SGCZ: variants seen among roughly 807,000 people sequenced by gnomAD.
SGCZ encodes the protein sarcoglycan zeta.
In SGCZ, 40 loss-of-function variants were observed where a neutral mutation model predicts 41.3. The ratio of observed to expected loss-of-function variants is 0.97; its 90% confidence interval spans 0.75 to 1.26. The LOEUF (loss-of-function observed/expected upper bound fraction) is 1.26. SGCZ is among the 50% of genes most tolerant of loss of function. The pLI is 0.00. For missense variants in SGCZ, 552 were observed against 369.8 expected (o/e 1.49, Z -4.04); for synonymous variants, 206 against 137.5 (o/e 1.50, Z -3.49).
chr8:14,826,693 A>C lies in SGCZ; in HGVS notation c.40-271767T>G, dbSNP rs547475682. ...ATTTCTCTGATAGCCAGTGATGATGAGCATTTTTTCATGTGTCTTTTGGCT... is the reference window on the plus strand; with the variant it reads ...ATTTCTCTGATAGCCAGTGATGATGCGCATTTTTTCATGTGTCTTTTGGCT... On this transcript the variant is annotated intron_variant, in intron 1 of 7. Coordinates refer to ENST00000382080, the MANE Select transcript of SGCZ (RefSeq NM_139167.4). Among the ~76,000 whole-genome samples the C allele has an allele frequency of 2.0e-5, 3 of 152,202 alleles. No individual in the cohort carries two copies. In the East Asian group the frequency reaches 5.8e-4, roughly 29 times the overall value.
chr8:14,739,786 A>T (rs1799146346), intron 1 of SGCZ, among the ~76,000 whole-genome samples: 1 of 152,062 alleles, frequency 6.6e-6, no homozygotes, highest in East Asian at 1.9e-4. Context: ...TCTAATGTGA[A>T]CACTATGCAT....
At chr8:14,908,705 G>C (rs1382340310) in intron 1 of SGCZ, among the ~76,000 whole-genome samples, 1 of 146,356 alleles carries the variant, frequency 6.8e-6, no homozygotes, top group Non-Finnish European at 1.5e-5. Context: ...AGCCGAGATC[G>C]GGCCACTGTA....
chr8:14,999,337 G>C (rs988662481), intron 1 of SGCZ, among the ~76,000 whole-genome samples: 1 of 152,120 alleles, frequency 6.6e-6, no homozygotes, highest in Non-Finnish European at 1.5e-5. Context: ...CTAGCCCATA[G>C]GATTATAGTC....
chr8:15,213,113 T>C (rs761392704), intron 1 of SGCZ, among the ~76,000 whole-genome samples: 111 of 152,036 alleles, frequency 7.3e-4, no homozygotes, highest in Non-Finnish European at 1.3e-3. Context: ...ACAGATTCTG[T>C]CAGACAAGCA....
At chr8:15,140,956 A>G (rs1808298829) in intron 1 of SGCZ, among the ~76,000 whole-genome samples, 1 of 152,256 alleles carries the variant, frequency 6.6e-6, no homozygotes. Flanking sequence ...AGGAACTATT[A>G]TATGTCAAGG....
At chr8:14,421,111 A>C (rs778461531) in intron 2 of SGCZ, among the ~76,000 whole-genome samples, 2 of 152,282 alleles carry the variant, frequency 1.3e-5, no homozygotes, top group Middle Eastern at 3.4e-3. Context: ...GAAAATCAAA[A>C]TATGTCTTAA....
chr8:14,195,519 T>C (rs1805240108), intron 4 of SGCZ, among the ~76,000 whole-genome samples: 1 of 152,136 alleles, frequency 6.6e-6, no homozygotes, highest in African/African-American at 2.4e-5. Flanking sequence ...GATAAAGTTT[T>C]CTAAGTTTGA....
intron 1 of SGCZ, among the ~76,000 whole-genome samples, chr8:15,172,434 A>G (rs576588256): frequency 5.3e-4 from 81 of 152,126 alleles, no homozygotes; most frequent in African/African-American, 1.9e-3. Context: ...TGCTGGGTCT[A>G]TTTTTTATAA....
intron 1 of SGCZ, among the ~76,000 whole-genome samples, chr8:14,696,642 T>C (rs184217178): frequency 6.6e-6 from 1 of 152,120 alleles, no homozygotes; most frequent in Non-Finnish European, 1.5e-5. Flanking sequence ...ATTCAGCCTC[T>C]CTTCTGCTTA....
At chr8:14,752,306 TTTA>T (rs1339377739) in intron 1 of SGCZ, among the ~76,000 whole-genome samples, 1 of 152,190 alleles carries the variant, frequency 6.6e-6, no homozygotes, top group East Asian at 1.9e-4. Context: ...CCACTAGCTA[TTTA>T]TTATGTTTAT....
At chr8:15,056,645 T>C (rs1047715885) in intron 1 of SGCZ, among the ~76,000 whole-genome samples, 1 of 152,106 alleles carries the variant, frequency 6.6e-6, no homozygotes, top group South Asian at 2.1e-4. Context: ...TTTTTTCCAC[T>C]CCTAAATAAA....
intron 1 of SGCZ, among the ~76,000 whole-genome samples, chr8:14,723,457 G>T (rs1225706460): frequency 1.3e-5 from 2 of 152,096 alleles, no homozygotes; most frequent in East Asian, 3.9e-4. Flanking sequence ...TACCTTTCTG[G>T]AGAACAGAGG....
At chr8:14,948,262 A>G in intron 1 of SGCZ, among the ~76,000 whole-genome samples, 1 of 152,172 alleles carries the variant, frequency 6.6e-6, no homozygotes, top group East Asian at 1.9e-4. Context: ...CTGTCAAAGG[A>G]CTTTGAATTA....
chr8:14,371,381 A>G (rs886882702), intron 2 of SGCZ, among the ~76,000 whole-genome samples: 3 of 152,112 alleles, frequency 2.0e-5, no homozygotes, highest in Admixed American at 2.0e-4. Flanking sequence ...GTTAAGTGAT[A>G]ACATTTTCCG....
At chr8:14,809,137 AAGT>A in intron 1 of SGCZ, among the ~76,000 whole-genome samples, 1 of 151,976 alleles carries the variant, frequency 6.6e-6, no homozygotes, top group Middle Eastern at 3.4e-3. Context: ...GCTAGATGAC[AAGT>A]TAGTGGGTGT....
intron 1 of SGCZ, among the ~76,000 whole-genome samples, chr8:14,684,054 A>G (rs892942451): frequency 6.6e-6 from 1 of 152,132 alleles, no homozygotes; most frequent in African/African-American, 2.4e-5. Context: ...ATACAGTCCT[A>G]GAGATTATGA....
intron 1 of SGCZ, among the ~76,000 whole-genome samples, chr8:14,674,928 GTTTTTTTTTTTT>G (rs201881681): frequency 1.4e-5 from 1 of 71,010 alleles, no homozygotes. Flanking sequence ...TTTCTTTTCT[GTTTTTTTTTTTT>G]TTTTTTTTTT....
intron 1 of SGCZ, among the ~76,000 whole-genome samples, chr8:15,006,392 T>C (rs996094306): frequency 2.0e-5 from 3 of 152,144 alleles, no homozygotes; most frequent in Admixed American, 6.5e-5. Context: ...TGCTATCCAA[T>C]AGCTGGATTT....
chr8:15,097,017 G>A (rs566044839), intron 1 of SGCZ, among the ~76,000 whole-genome samples: 2 of 152,060 alleles, frequency 1.3e-5, no homozygotes, highest in African/African-American at 4.8e-5. Context: ...AGGTCTCACT[G>A]TGTTGCCCAA....
Sources: gnomAD v4.1 joint callset for allele counts (sites outside exome capture counted in the v4.1 genomes callset) on GRCh38, gnomAD v4.1.1 for gene constraint, MANE v1.5 for transcripts, NCBI Gene and HGNC (gene_info 2026-07-23, HGNC 2026-07-21) for gene names.